The following APBA2 variants were observed in gnomAD, a reference collection of about 807,000 sequenced individuals.
APBA2 encodes the protein amyloid beta precursor protein binding family A member 2, also known as amyloid-beta A4 precursor protein-binding family A member 2.
Under a neutral mutation model 75.0 loss-of-function variants are expected in APBA2, and 30 were observed. The observed-to-expected ratio is 0.40, with a 90% confidence interval of 0.30 to 0.54. The LOEUF is 0.54. Among genes scored for constraint, APBA2 ranks in the 20% least tolerant of loss-of-function variants. APBA2 has a pLI of 0.49. For synonymous variants in APBA2, 444 were observed against 409.6 expected (o/e 1.08, Z -1.01); for missense variants, 801 against 1,016.1 (o/e 0.79, Z 2.88).
chr15:29,068,520 G>A (rs1470069520), intron 4 of APBA2, among the ~76,000 whole-genome samples: 1 of 152,260 alleles, frequency 6.6e-6, no homozygotes, highest in Non-Finnish European at 1.5e-5. Flanking sequence ...GCAGCAGAGT[G>A]CCAGGTGGAT....
chr15:29,021,529 G>A (rs1445150758), intron 3 of APBA2, among the ~76,000 whole-genome samples: 1 of 152,136 alleles, frequency 6.6e-6, no homozygotes, highest in Non-Finnish European at 1.5e-5. Context: ...GTACAACTTT[G>A]TGAGTTTAGA....
intron 1 of APBA2, among the ~76,000 whole-genome samples, chr15:28,894,671 T>C (rs1258616626): frequency 6.6e-6 from 1 of 151,930 alleles, no homozygotes; most frequent in East Asian, 1.9e-4. Flanking sequence ...CCCTAGAGAG[T>C]CCTTGCTGTG....
chr15:28,967,966 A>AC (rs1254238325), intron 2 of APBA2, among the ~76,000 whole-genome samples: 1 of 151,526 alleles, frequency 6.6e-6, no homozygotes, highest in African/African-American at 2.4e-5. Flanking sequence ...CTCTTTTCAC[A>AC]CCCCCTGGCA....
At chr15:28,907,663 A>G (rs1156860636) in intron 1 of APBA2, among the ~76,000 whole-genome samples, 1 of 152,162 alleles carries the variant, frequency 6.6e-6, no homozygotes, top group Non-Finnish European at 1.5e-5. Context: ...CAACCTCAGG[A>G]TCAATGCTTG....
chr15:28,944,999 C>T (rs771257261), intron 2 of APBA2, among the ~76,000 whole-genome samples: 1 of 152,188 alleles, frequency 6.6e-6, no homozygotes, highest in Admixed American at 6.5e-5. Context: ...TGAGCTTCCT[C>T]CTTCATTTGA....
At chr15:29,015,392 G>C (rs2039607827) in intron 3 of APBA2, among the ~76,000 whole-genome samples, 1 of 152,164 alleles carries the variant, frequency 6.6e-6, no homozygotes, top group Non-Finnish European at 1.5e-5. Flanking sequence ...AATGTGCCCA[G>C]CTCTCCTGGG....
chr15:29,088,939 C>T (rs2043421713), intron 6 of APBA2, among the ~76,000 whole-genome samples: 1 of 152,244 alleles, frequency 6.6e-6, no homozygotes, highest in South Asian at 2.1e-4. Context: ...GCTCCCGCCT[C>T]AGCCTGGGAG....
At chr15:28,950,454 C>T (rs578178919) in intron 2 of APBA2, among the ~76,000 whole-genome samples, 66 of 151,940 alleles carry the variant, frequency 4.3e-4, no homozygotes, top group Middle Eastern at 3.4e-3. Flanking sequence ...GGTGAAACCC[C>T]GTCTCTATTA....
intron 9 of APBA2, among the ~76,000 whole-genome samples, chr15:29,099,603 A>G (rs1256565350): frequency 6.6e-6 from 1 of 152,242 alleles, no homozygotes; most frequent in African/African-American, 2.4e-5. Context: ...TTTAGGCAAA[A>G]GGAACCATGG....
intron 2 of APBA2, among the ~76,000 whole-genome samples, chr15:28,952,071 G>C (rs868355401): frequency 1.3e-5 from 2 of 151,658 alleles, no homozygotes; most frequent in African/African-American, 2.4e-5. Flanking sequence ...GTGTCCCATA[G>C]CTTTTTTTTG....
intron 1 of APBA2, among the ~76,000 whole-genome samples, chr15:28,904,688 G>T (rs1042141702): frequency 2.0e-5 from 3 of 152,086 alleles, no homozygotes; most frequent in East Asian, 3.9e-4. Context: ...TCTGCAGCAC[G>T]CAGACTCCCT....
intron 1 of APBA2, among the ~76,000 whole-genome samples, chr15:28,901,494 G>A (rs1033906323): frequency 3.9e-5 from 6 of 152,200 alleles, no homozygotes; most frequent in Non-Finnish European, 8.8e-5. Flanking sequence ...ATTTGGGGTG[G>A]GTTTTCAGTA....
chr15:29,104,699 C>T (rs909779896), intron 10 of APBA2, among the ~76,000 whole-genome samples: 3 of 152,192 alleles, frequency 2.0e-5, no homozygotes, highest in Non-Finnish European at 2.9e-5. Flanking sequence ...CTGTTGCTAC[C>T]GATAAATACA....
rs368538950 is a variant in APBA2 at position 29,013,917 on chromosome 15, G to A, written c.-41+18111G>A. Among the ~76,000 whole-genome samples, 150 of 152,296 alleles carry A rather than the reference G, an allele frequency of 9.8e-4. 1 individual carries two copies. The highest frequency in any genetic ancestry group is 1.7e-3 in the African/African-American group (70 of 41,560). ...CATTAGCATATTTGGCAGTGAAAGC[G>A]TTACCTTTCTCAATCAAGCAGGATA... On this transcript the variant is annotated intron_variant, in intron 3 of 14. Coordinates refer to ENST00000683413, the MANE Select transcript of APBA2 (RefSeq NM_001353788.2).
intron 12 of APBA2, among the ~76,000 whole-genome samples, chr15:29,107,674 GC>G (rs775893220): frequency 1.2e-4 from 19 of 152,146 alleles, no homozygotes; most frequent in East Asian, 3.9e-4. Context: ...AGCAGTTGAG[GC>G]CCCCCCTCCC....
intron 1 of APBA2, among the ~76,000 whole-genome samples, chr15:28,916,269 G>A (rs1807228295): frequency 6.6e-6 from 1 of 152,128 alleles, no homozygotes; most frequent in African/African-American, 2.4e-5. Context: ...CTCTCCTGAT[G>A]CCCAGAGTGG....
intron 4 of APBA2, among the ~76,000 whole-genome samples, chr15:29,057,431 G>A (rs1010942672): frequency 1.3e-5 from 2 of 152,142 alleles, no homozygotes; most frequent in South Asian, 2.1e-4. Context: ...GTCATTGCAC[G>A]AATGGCAATA....
At chr15:29,115,966 G>C (rs2045090026) in intron 14 of APBA2, among the ~76,000 whole-genome samples, 2 of 146,554 alleles carry the variant, frequency 1.4e-5, no homozygotes, top group South Asian at 4.1e-4. Context: ...GGCAGTGCGA[G>C]GGCCCCCCAT....
intron 2 of APBA2, among the ~76,000 whole-genome samples, chr15:28,950,013 G>C (rs1052856123): frequency 2.6e-5 from 4 of 152,096 alleles, no homozygotes; most frequent in Admixed American, 2.6e-4. Flanking sequence ...CCAGGAGCCT[G>C]TCCAGGCCAC....
Sources: allele counts gnomAD v4.1 joint callset (sites outside exome capture counted in the v4.1 genomes callset), GRCh38; gene constraint gnomAD v4.1.1; transcripts MANE v1.5; gene names NCBI Gene and HGNC (gene_info 2026-07-23, HGNC 2026-07-21).